Variants in FHIT observed in about 807,000 individuals in gnomAD.
FHIT encodes bis(5'-adenosyl)-triphosphatase.
A neutral mutation model predicts 17.9 loss-of-function variants in FHIT; 19 were observed. The observed-to-expected ratio is 1.06, with a 90% CI of 0.74 to 1.56. FHIT has a LOEUF of 1.56. Ranked by LOEUF, FHIT falls within the 40% of genes most tolerant of loss-of-function variation. FHIT has a pLI of 0.00. For synonymous variants in FHIT, 81 were observed against 69.7 expected, an observed-to-expected ratio of 1.16 and a Z score of -0.81; for missense variants, 248 against 189.2, an observed-to-expected ratio of 1.31 and a Z score of -1.82.
chr3:60,458,971 A>G (rs1420219425), intron 5 of FHIT, among the ~76,000 whole-genome samples: 1 of 151,710 alleles, frequency 6.6e-6, no homozygotes, highest in Admixed American at 6.6e-5. Flanking sequence ...TTTTAGAAAC[A>G]AAGTCTCACT....
intron 5 of FHIT, among the ~76,000 whole-genome samples, chr3:60,455,123 G>A (rs919582742): frequency 6.6e-6 from 1 of 152,046 alleles, no homozygotes; most frequent in Admixed American, 6.6e-5. Flanking sequence ...GGTGGGTGAG[G>A]TAGGGTGAGG....
intron 2 of FHIT, among the ~76,000 whole-genome samples, chr3:61,094,889 G>A (rs986418855): frequency 3.9e-5 from 6 of 152,004 alleles, no homozygotes; most frequent in African/African-American, 1.4e-4. Flanking sequence ...TACTTAGGAC[G>A]GTGTGCAATT....
At chr3:60,704,488 G>C (rs2041323982) in intron 4 of FHIT, among the ~76,000 whole-genome samples, 1 of 152,156 alleles carries the variant, frequency 6.6e-6, no homozygotes, top group East Asian at 1.9e-4. Context: ...AGCAGATGGA[G>C]GAAATTAGAG....
chr3:60,441,417 C>A (rs2030788998), intron 5 of FHIT, among the ~76,000 whole-genome samples: 1 of 151,948 alleles, frequency 6.6e-6, no homozygotes, highest in Non-Finnish European at 1.5e-5. Context: ...AAGTAGCTCA[C>A]TGAATCATTT....
chr3:60,325,481 T>C (rs1709649948), intron 5 of FHIT, among the ~76,000 whole-genome samples: 1 of 152,248 alleles, frequency 6.6e-6, no homozygotes, highest in Non-Finnish European at 1.5e-5. Context: ...TCAATTTGTT[T>C]TTTAGAAATG....
intron 8 of FHIT, among the ~76,000 whole-genome samples, chr3:59,831,852 G>A (rs1575562906): frequency 2.0e-5 from 3 of 152,056 alleles, no homozygotes; most frequent in Admixed American, 2.0e-4. Flanking sequence ...GATATAGAGA[G>A]GGTTTAAAGG....
intron 7 of FHIT, among the ~76,000 whole-genome samples, chr3:59,995,798 T>C (rs1699481988): frequency 6.6e-6 from 1 of 152,074 alleles, no homozygotes; most frequent in Non-Finnish European, 1.5e-5. Context: ...TCCATTTCAT[T>C]TGACTCACTT....
At chr3:60,502,856 A>G (rs1420680030) in intron 5 of FHIT, among the ~76,000 whole-genome samples, 1 of 152,236 alleles carries the variant, frequency 6.6e-6, no homozygotes, top group Non-Finnish European at 1.5e-5. Context: ...AGAAAGGAAG[A>G]TGGTCAAGCC....
intron 4 of FHIT, among the ~76,000 whole-genome samples, chr3:60,727,730 A>T (rs1223469407): frequency 6.6e-6 from 1 of 152,236 alleles, no homozygotes; most frequent in Non-Finnish European, 1.5e-5. Flanking sequence ...TAGGCTGGGC[A>T]CTGTGGCTCA....
intron 2 of FHIT, among the ~76,000 whole-genome samples, chr3:61,139,690 G>C (rs2037019741): frequency 6.6e-6 from 1 of 152,144 alleles, no homozygotes; most frequent in African/African-American, 2.4e-5. Flanking sequence ...AATAAATTTT[G>C]CTGTAGCATG....
chr3:59,928,209 T>C (rs1308448682), intron 7 of FHIT, among the ~76,000 whole-genome samples: 2 of 152,228 alleles, frequency 1.3e-5, no homozygotes, highest in African/African-American at 2.4e-5. Flanking sequence ...AAAACGATAA[T>C]GGCCACCTTC....
intron 2 of FHIT, among the ~76,000 whole-genome samples, chr3:61,197,228 CT>C (rs1191934370): frequency 1.3e-5 from 2 of 152,156 alleles, no homozygotes; most frequent in East Asian, 3.8e-4. Context: ...TATATATTGT[CT>C]TCATGTGATC....
intron 3 of FHIT, among the ~76,000 whole-genome samples, chr3:60,961,265 C>T (rs1709426473): frequency 6.7e-6 from 1 of 148,446 alleles, no homozygotes; most frequent in Non-Finnish European, 1.5e-5. Flanking sequence ...CCTTCGTTCA[C>T]TTTTTGATGG....
At chr3:60,879,329 G>T (rs1553757362) in intron 3 of FHIT, among the ~76,000 whole-genome samples, 1 of 152,154 alleles carries the variant, frequency 6.6e-6, no homozygotes, top group African/African-American at 2.4e-5. Flanking sequence ...TGAAGAAACT[G>T]CATAGATACT....
At position 60,091,466 on chromosome 3, in the gene FHIT, G is replaced by A. The variant is rs189363061; in HGVS notation, c.104-77314C>T. Among the ~76,000 whole-genome samples the A allele has an allele frequency of 9.2e-5, 14 of 152,288 alleles. No individual in the cohort carries two copies. In the East Asian group the frequency reaches 2.1e-3, roughly 23 times the overall value. On this transcript the variant is annotated intron_variant, in intron 5 of 9. Transcript: ENST00000492590. ...GACAAGGAGTTGAGGAAGGAAGAGA[G>A]TGTCATCCATGTGATCTGGCACAGA... is the stretch of plus-strand genomic sequence containing the variant.
chr3:59,873,771 C>T (rs929350794), intron 8 of FHIT, among the ~76,000 whole-genome samples: 4 of 152,148 alleles, frequency 2.6e-5, no homozygotes, highest in East Asian at 1.9e-4. Flanking sequence ...TCTAGGGTGG[C>T]GCCCAATTTA....
At chr3:59,916,482 T>C (rs968421968) in intron 8 of FHIT, among the ~76,000 whole-genome samples, 1 of 152,202 alleles carries the variant, frequency 6.6e-6, no homozygotes, top group Non-Finnish European at 1.5e-5. Flanking sequence ...CCTTCATATA[T>C]ACATCTATCC....
intron 4 of FHIT, among the ~76,000 whole-genome samples, chr3:60,614,809 G>GTTTT (rs147892145): frequency 1.0e-4 from 8 of 78,238 alleles, no homozygotes; most frequent in Middle Eastern, 6.8e-3. Context: ...TGCAAAAGTT[G>GTTTT]TTTTTTTTTT....
chr3:59,947,109 C>G (rs1442953834), intron 7 of FHIT, among the ~76,000 whole-genome samples: 1 of 152,138 alleles, frequency 6.6e-6, no homozygotes, highest in Non-Finnish European at 1.5e-5. Flanking sequence ...CTTTATATGT[C>G]TAGTAGAATT....
Sources: allele counts gnomAD v4.1 joint callset (sites outside exome capture counted in the v4.1 genomes callset), GRCh38; gene constraint gnomAD v4.1.1; transcripts MANE v1.5; gene names NCBI Gene and HGNC (gene_info 2026-07-23, HGNC 2026-07-21).